Variants in PLCH1 observed in about 807,000 individuals in gnomAD.
PLCH1 encodes the protein 1-phosphatidylinositol 4,5-bisphosphate phosphodiesterase eta-1.
Under a neutral mutation model 126.7 loss-of-function variants are expected in PLCH1, and 60 were observed. That is an observed-to-expected ratio of 0.47 (90% confidence interval 0.38 to 0.59). PLCH1 has a LOEUF of 0.59. PLCH1 is among the 20% of genes least tolerant of loss of function. The probability of loss-of-function intolerance (pLI) is 0.00; values close to 1 mark genes in which losing one functional copy is unlikely to be tolerated. For missense variants in PLCH1, 1,723 were observed against 2,040.0 expected (o/e 0.84, Z 2.99); for synonymous variants, 719 against 734.9 (o/e 0.98, Z 0.35).
At chr3:155,541,816 TTA>T (rs1491342884) in intron 10 of PLCH1, among the ~76,000 whole-genome samples, 11 of 150,376 alleles carry the variant, frequency 7.3e-5, no homozygotes, top group East Asian at 3.9e-4. Context: ...CTTCAATTTG[TTA>T]CACACACACA....
chr3:155,483,204 G>C (rs1169998293), intron 22 of PLCH1, 153 bp from the exon 23 acceptor site: 1 of 912,474 alleles, frequency 1.1e-6, no homozygotes, highest in Non-Finnish European at 1.7e-6. Flanking sequence ...GCAACAAAGT[G>C]TCTGTGTGAT....
chr3:155,463,092 A>T (rs1712791002), intron 21 of PLCH1, among the ~76,000 whole-genome samples: 1 of 152,208 alleles, frequency 6.6e-6, no homozygotes, highest in Admixed American at 6.5e-5. Flanking sequence ...AGCTATGGTC[A>T]GCTCAGTAAC....
chr3:155,743,219 CA>C (rs1287436704), intron 1 of PLCH1: 3 of 453,610 alleles, frequency 6.6e-6, no homozygotes, highest in Non-Finnish European at 1.3e-5. Context: ...TCAAGATTCA[CA>C]ATTTTATGAA....
chr3:155,490,009 T>C (rs979796049), intron 19 of PLCH1, among the ~76,000 whole-genome samples: 5 of 152,176 alleles, frequency 3.3e-5, no homozygotes, highest in Non-Finnish European at 5.9e-5. Flanking sequence ...GGTGGGAAAA[T>C]GCAATTTGAG....
intron 2 of PLCH1, among the ~76,000 whole-genome samples, chr3:155,631,138 A>T (rs1737970693): frequency 6.6e-6 from 1 of 152,216 alleles, no homozygotes; most frequent in South Asian, 2.1e-4. Flanking sequence ...TTACAGCCAC[A>T]GCAATGCATT....
chr3:155,725,853 T>A (rs554882606), intron 1 of PLCH1, among the ~76,000 whole-genome samples: 4 of 152,376 alleles, frequency 2.6e-5, no homozygotes, highest in Non-Finnish European at 5.9e-5. Context: ...ACATCATATT[T>A]TGTGCTTGCT....
At chr3:155,591,619 A>G (rs1732180791) in intron 4 of PLCH1, among the ~76,000 whole-genome samples, 5 of 152,234 alleles carry the variant, frequency 3.3e-5, no homozygotes. Context: ...AACATGCAAC[A>G]GAGTTTATTA....
intron 21 of PLCH1, among the ~76,000 whole-genome samples, chr3:155,458,385 AGAAGGAAGGAAG>A (rs781003032): frequency 0.058 from 2,259 of 38,722 alleles, 229 homozygotes; most frequent in Non-Finnish European, 0.062. Flanking sequence ...AAAGAAAGAA[AGAAGGAAGGAAG>A]GAAGGAAGGA....
At chr3:155,465,276 T>G (rs989236062) in intron 21 of PLCH1, among the ~76,000 whole-genome samples, 1 of 151,988 alleles carries the variant, frequency 6.6e-6, no homozygotes, top group South Asian at 2.1e-4. Flanking sequence ...AGGACTGTCT[T>G]ACATCTAGGA....
chr3:155,650,434 C>G (rs1218098775), intron 2 of PLCH1, among the ~76,000 whole-genome samples: 2 of 152,030 alleles, frequency 1.3e-5, no homozygotes, highest in African/African-American at 4.8e-5. Flanking sequence ...ACTGGCAGAT[C>G]TAGTAGGAAT....
At chr3:155,657,103 G>A (rs1741477313) in intron 2 of PLCH1, among the ~76,000 whole-genome samples, 3 of 148,046 alleles carry the variant, frequency 2.0e-5, no homozygotes, top group East Asian at 3.9e-4. Context: ...TGATTCTTAA[G>A]TTAAAAAAAA....
intron 1 of PLCH1, among the ~76,000 whole-genome samples, chr3:155,719,885 T>C (rs1747818844): frequency 6.6e-6 from 1 of 152,014 alleles, no homozygotes; most frequent in Non-Finnish European, 1.5e-5. Context: ...AACTTCCGCC[T>C]CTCGAGCTCA....
chr3:155,712,946 TGTAAA>T (rs1483867811), intron 1 of PLCH1, among the ~76,000 whole-genome samples: 2 of 151,482 alleles, frequency 1.3e-5, no homozygotes, highest in Non-Finnish European at 2.9e-5. Context: ...ATATATTATT[TGTAAA>T]TCACTTCATG....
intron 5 of PLCH1, among the ~76,000 whole-genome samples, chr3:155,584,186 A>C (rs1731071739): frequency 6.6e-6 from 1 of 152,156 alleles, no homozygotes; most frequent in East Asian, 1.9e-4. Context: ...AAGAAAACCA[A>C]AGCCCGATTT....
chr3:155,530,306 G>A (rs1397720286), intron 10 of PLCH1, among the ~76,000 whole-genome samples: 1 of 151,474 alleles, frequency 6.6e-6, no homozygotes, highest in East Asian at 1.9e-4. Flanking sequence ...TCATGAGATT[G>A]CAGCAATCTT....
At chr3:155,631,681 T>A (rs1738040760) in intron 2 of PLCH1, among the ~76,000 whole-genome samples, 1 of 152,180 alleles carries the variant, frequency 6.6e-6, no homozygotes, top group East Asian at 1.9e-4. Flanking sequence ...AATTCAAACA[T>A]CAGAATTTAT....
chr3:155,524,554 A>C (rs1721649194), intron 10 of PLCH1, among the ~76,000 whole-genome samples: 2 of 152,232 alleles, frequency 1.3e-5, no homozygotes, highest in Non-Finnish European at 2.9e-5. Flanking sequence ...TCATTAAGCT[A>C]ATCATTACTT....
intron 1 of PLCH1, among the ~76,000 whole-genome samples, chr3:155,710,236 C>T (rs1026785170): frequency 2.6e-5 from 4 of 152,070 alleles, no homozygotes; most frequent in African/African-American, 7.2e-5. Flanking sequence ...GTGATCTGCC[C>T]ACCTCAGCCT....
At chr3:155,462,998 C>T (rs561074803) in intron 21 of PLCH1, among the ~76,000 whole-genome samples, 3 of 152,286 alleles carry the variant, frequency 2.0e-5, no homozygotes, top group East Asian at 3.9e-4. Context: ...TTCCCTACAG[C>T]GAACTTCTCT....
Sources: allele counts gnomAD v4.1 joint callset (sites outside exome capture counted in the v4.1 genomes callset), GRCh38; gene constraint gnomAD v4.1.1; transcripts MANE v1.5; gene names NCBI Gene and HGNC (gene_info 2026-07-23, HGNC 2026-07-21).